Variants in DIP2A observed in about 807,000 individuals in gnomAD.
DIP2A encodes DIP2 acetate--CoA ligase A.
DIP2A carries 85 observed loss-of-function variants against 177.4 expected under a neutral mutation model. The ratio of observed to expected loss-of-function variants is 0.48; its 90% CI spans 0.40 to 0.57. The LOEUF (loss-of-function observed/expected upper bound fraction) is 0.57, where lower values mean the gene tolerates loss of function less well. DIP2A is among the 20% of genes least tolerant of loss of function. The pLI, the probability that DIP2A is intolerant of heterozygous loss-of-function variation, is 0.00. For missense variants in DIP2A, 1,791 were observed against 2,100.2 expected, an observed-to-expected ratio of 0.85 and a Z score of 2.88; for synonymous variants, 886 against 881.8, an observed-to-expected ratio of 1.00 and a Z score of -0.08.
intron 35 of DIP2A, among the ~76,000 whole-genome samples, chr21:46,565,454 TA>T (rs1191042284): frequency 1.3e-5 from 2 of 152,212 alleles, no homozygotes; most frequent in East Asian, 1.9e-4. Flanking sequence ...CCTCTCGACT[TA>T]CCCACGTAGG....
the DIP2A span, among the ~76,000 whole-genome samples, chr21:46,582,624 A>G: frequency 2.0e-5 from 3 of 151,756 alleles, no homozygotes; most frequent in African/African-American, 7.3e-5. Flanking sequence ...CCGACTCTCC[A>G]TGGGTTGTGC....
At chr21:46,496,916 A>C in intron 3 of DIP2A, 72 bp from the exon 4 acceptor site, 1 of 1,452,982 alleles carries the variant, frequency 6.9e-7, no homozygotes, top group Non-Finnish European at 9.1e-7. Context: ...ACAAACAAAA[A>C]CATGAAACTT....
At chr21:46,463,350 T>C (rs936026966) in intron 1 of DIP2A, 1 of 152,260 alleles carries the variant, frequency 6.6e-6, no homozygotes, top group African/African-American at 2.4e-5. Flanking sequence ...TGTACGTGTC[T>C]TGGAGCTATT....
chr21:46,512,990 T>C (rs2058382518), intron 8 of DIP2A, among the ~76,000 whole-genome samples: 1 of 152,144 alleles, frequency 6.6e-6, no homozygotes, highest in Admixed American at 6.5e-5. Flanking sequence ...CAGATAGGCA[T>C]CTTTCCTGAG....
At position 46,505,641 on chromosome 21, in the gene DIP2A, A is replaced by C. The variant is rs554426310; in HGVS notation, c.784+1152A>C. Among the ~76,000 whole-genome samples, 4 of 152,268 alleles carry C rather than the reference A, an allele frequency of 2.6e-5. No homozygotes were observed. In the South Asian group the frequency reaches 8.3e-4, roughly 32 times the overall value. ...TTTAAGACATTTGTACAGCTGTGGA[A>C]AGCATCACTACAATCAAGATAGTGA... is the stretch of plus-strand genomic sequence containing the variant. On this transcript the variant is annotated intron_variant, in intron 6 of 37. Coordinates refer to ENST00000417564, the MANE Select transcript of DIP2A (RefSeq NM_015151.4).
chr21:46,484,957 T>C, intron 2 of DIP2A, 129 bp downstream of exon 2: 2 of 815,778 alleles, frequency 2.5e-6, no homozygotes, highest in South Asian at 2.2e-5. Context: ...TATATGTTGA[T>C]TATTGATTGA....
At chr21:46,505,722 A>C (rs1373537048) in intron 6 of DIP2A, among the ~76,000 whole-genome samples, 2 of 152,136 alleles carry the variant, frequency 1.3e-5, no homozygotes, top group African/African-American at 4.8e-5. Flanking sequence ...CTCTCTTCGG[A>C]TCCTTCTGGC....
At position 46,538,614 on chromosome 21, in the gene DIP2A, T is replaced by C. The variant is rs1184252906; in HGVS notation, c.1921+12T>C. The C allele has an allele frequency of 2.8e-5, 43 of 1,547,470 alleles. 1 individual carries two copies. Among genetic ancestry groups the C allele is most frequent in the Admixed American group, 5.9e-5 (3 of 51,088 alleles). ...TGGTGCCAACCCGTGTGAGTGAGCC[T>C]GTGTGCCCGGCGCATACCCCACACA... On this transcript the variant is annotated intron_variant, in intron 16 of 37. Transcript: ENST00000417564.
chr21:46,488,748 C>T (rs556349178), intron 2 of DIP2A, among the ~76,000 whole-genome samples: 2 of 152,264 alleles, frequency 1.3e-5, no homozygotes, highest in East Asian at 3.9e-4. Context: ...GTGTGAATTA[C>T]TGTAACCTTT....
intron 8 of DIP2A, among the ~76,000 whole-genome samples, chr21:46,526,093 A>G (rs996107924): frequency 2.0e-5 from 3 of 151,304 alleles, no homozygotes; most frequent in Admixed American, 1.3e-4. Flanking sequence ...TATTTTTAGT[A>G]GAGATGGGGT....
At chr21:46,555,179 C>A (rs1192314738) in intron 28 of DIP2A, among the ~76,000 whole-genome samples, 1 of 152,240 alleles carries the variant, frequency 6.6e-6, no homozygotes, top group Non-Finnish European at 1.5e-5. Context: ...ACAGCCTTGC[C>A]CCTCTCACCC....
rs12185808 is a variant in DIP2A, at chr21:46,537,617, A to G, written c.1801+78A>G. 14 of 1,408,436 alleles carry G rather than the reference A, an allele frequency of 9.9e-6. No homozygotes were observed. Among genetic ancestry groups the G allele is most frequent in the Non-Finnish European group, 1.4e-5 (14 of 1,008,068 alleles). The allele number at this position is 1,408,436 out of a possible 1,614,324, so 87.2% of individuals were successfully genotyped here. A position where few individuals can be genotyped will look rare whatever the true frequency, so the allele number is the denominator to read the frequency against. On this transcript the variant is annotated intron_variant, in intron 15 of 37. Transcript: ENST00000417564. The surrounding 1 kb of genome is among the most constrained non-coding windows in gnomAD (Gnocchi z 4.1). ...AACTGACCTTTGGTGCTTAAGAAAA[A>G]ATAAAGCTGACATGTGGAACTGCAG...
chr21:46,531,165 G>A (rs907043739), intron 9 of DIP2A, among the ~76,000 whole-genome samples: 1 of 152,052 alleles, frequency 6.6e-6, no homozygotes, highest in African/African-American at 2.4e-5. Context: ...GCCACCATCA[G>A]GAGAACCAAG....
At chr21:46,501,960 G>A (rs1460392309) in intron 5 of DIP2A, among the ~76,000 whole-genome samples, 2 of 152,070 alleles carry the variant, frequency 1.3e-5, no homozygotes, top group Non-Finnish European at 2.9e-5. Context: ...TTTTCAAAAG[G>A]TATATTCTGC....
chr21:46,490,564 G>T, intron 2 of DIP2A, 36 bp from the exon 3 acceptor site: 2 of 1,524,692 alleles, frequency 1.3e-6, no homozygotes, highest in Non-Finnish European at 1.8e-6. Flanking sequence ...AAAGCAAATT[G>T]TTCACATAAG....
Position 46,464,844 on chromosome 21 carries a change from T to TTTTTTTTTCCC in DIP2A, c.91+5622_91+5623insTTTTTTTTCCC, listed in dbSNP as rs58546395. On this transcript the variant is annotated intron_variant, in intron 1 of 37. Transcript: ENST00000417564. ...TTTTTTTTTTTTTTTTTTTTTTTTTTCAAGAAAACACACAACAAATGTCAG... is the reference window on the plus strand; with the variant it reads ...TTTTTTTTTTTTTTTTTTTTTTTTTTTTTTTTTTCCCCAAGAAAACACACAACAAATGTCAG... Among the ~76,000 whole-genome samples, 27 of 111,230 alleles carry TTTTTTTTTCCC rather than the reference T, an allele frequency of 2.4e-4. 2 individuals are homozygous for TTTTTTTTTCCC. Among genetic ancestry groups the TTTTTTTTTCCC allele is most frequent in the African/African-American group, 1.1e-3 (26 of 23,994 alleles). The allele number at this position is 111,230 out of a possible 152,430, so 73.0% of individuals were successfully genotyped here.
At chr21:46,552,880 T>TA (rs897714122) in intron 25 of DIP2A, 17 of 152,174 alleles carry the variant, frequency 1.1e-4, no homozygotes, top group African/African-American at 4.1e-4. Flanking sequence ...TTGACCAAGG[T>TA]AAAATCAGCT....
At chr21:46,490,416 A>G (rs989780954) in intron 2 of DIP2A, among the ~76,000 whole-genome samples, 184 bp from the exon 3 acceptor site, 1 of 152,098 alleles carries the variant, frequency 6.6e-6, no homozygotes, top group African/African-American at 2.4e-5. Context: ...GGGAGAGGAG[A>G]GCACGGAAGT....
At chr21:46,562,199 G>C (rs1332605759) in intron 34 of DIP2A, among the ~76,000 whole-genome samples, 1 of 152,170 alleles carries the variant, frequency 6.6e-6, no homozygotes, top group Non-Finnish European at 1.5e-5. Flanking sequence ...CCTAGTTTAG[G>C]GTGTCAGCAG....
Sources: allele counts gnomAD v4.1 joint callset (sites outside exome capture counted in the v4.1 genomes callset), GRCh38; gene constraint gnomAD v4.1.1; non-coding constraint Gnocchi (gnomAD v3.1); transcripts MANE v1.5; gene names NCBI Gene and HGNC (gene_info 2026-07-23, HGNC 2026-07-21).